The following SLIT3 variants were observed in gnomAD, a reference collection of about 807,000 sequenced individuals.
SLIT3 encodes slit guidance ligand 3.
SLIT3 carries 68 observed loss-of-function variants against 184.0 expected under a neutral mutation model. That is an observed-to-expected ratio of 0.37 (90% confidence interval 0.30 to 0.45). SLIT3 has a LOEUF of 0.45. Among genes scored for constraint, SLIT3 ranks in the 20% least tolerant of loss-of-function variants. SLIT3 has a pLI of 1.00. For missense variants in SLIT3, 1,707 were observed against 2,026.0 expected (o/e 0.84, Z 3.02); for synonymous variants, 831 against 828.6 (o/e 1.00, Z -0.05).
intron 4 of SLIT3, among the ~76,000 whole-genome samples, chr5:168,957,229 CAAA>C (rs369179350): frequency 8.2e-6 from 1 of 121,452 alleles, no homozygotes; most frequent in Non-Finnish European, 1.7e-5. Flanking sequence ...AAGTCTGTCT[CAAA>C]AAAAAAAAAA....
chr5:168,931,539 CAA>C (rs1761986817), intron 4 of SLIT3, among the ~76,000 whole-genome samples: 1 of 152,094 alleles, frequency 6.6e-6, no homozygotes, highest in African/African-American at 2.4e-5. Flanking sequence ...GCAAAAATCT[CAA>C]GTCACAATTT....
rs548753460 is a variant in SLIT3, at chr5:168,788,656, G to A, written c.1079+904C>T. On this transcript the variant is annotated intron_variant, in intron 11 of 35. Transcript: ENST00000519560. ...AGTTTGTGGTACTAGGGATACATCC[G>A]TGAACAAAACAGATAATAATCCCTG... is the stretch of plus-strand genomic sequence containing the variant. Among the ~76,000 whole-genome samples the A allele has an allele frequency of 4.0e-4, 60 of 151,328 alleles. 1 individual carries two copies. The highest frequency in any genetic ancestry group is 1.3e-3 in the African/African-American group (52 of 41,200).
intron 4 of SLIT3, among the ~76,000 whole-genome samples, chr5:169,166,544 G>T (rs1471296733): frequency 6.7e-6 from 1 of 149,376 alleles, no homozygotes; most frequent in African/African-American, 2.6e-5. Context: ...ACCTCTCCTG[G>T]CATCTGTTTG....
chr5:169,007,237 CAAAT>C (rs1297660591), intron 4 of SLIT3, among the ~76,000 whole-genome samples: 1 of 151,878 alleles, frequency 6.6e-6, no homozygotes, highest in East Asian at 1.9e-4. Context: ...AACTGTGACT[CAAAT>C]AAATTTTTTT....
At chr5:168,986,645 G>T (rs114914672) in intron 4 of SLIT3, among the ~76,000 whole-genome samples, 6,139 of 152,216 alleles carry the variant, frequency 0.04, 158 homozygotes, top group Non-Finnish European at 0.057. Flanking sequence ...GCTAGTGGGA[G>T]TTTTCTCCAC....
At chr5:168,812,844 T>A (rs1303764038) in intron 8 of SLIT3, among the ~76,000 whole-genome samples, 1 of 151,998 alleles carries the variant, frequency 6.6e-6, no homozygotes, top group East Asian at 1.9e-4. Context: ...TGGCTGGTCA[T>A]GGCTTACCTT....
At chr5:168,961,111 T>G (rs1762991229) in intron 4 of SLIT3, among the ~76,000 whole-genome samples, 2 of 152,200 alleles carry the variant, frequency 1.3e-5, no homozygotes. Context: ...GGCATGGCCA[T>G]TCCTTACCTC....
intron 4 of SLIT3, among the ~76,000 whole-genome samples, chr5:168,930,549 T>G (rs1207038861): frequency 5.3e-5 from 8 of 152,062 alleles, no homozygotes; most frequent in Non-Finnish European, 1.2e-4. Context: ...TTGCTCCTAC[T>G]GTAGGTGGGG....
chr5:168,912,236 A>G (rs536448062), intron 4 of SLIT3, among the ~76,000 whole-genome samples: 2 of 151,482 alleles, frequency 1.3e-5, no homozygotes, highest in African/African-American at 2.4e-5. Flanking sequence ...TATTTTATAC[A>G]GTGTATTATA....
At position 168,722,924 on chromosome 5, in the gene SLIT3, T is replaced by G. The variant is rs1472497162; in HGVS notation, c.2411+9A>C. ...GGGCATGGTAAACACAGCATCTCAG[T>G]GTACTCACAGAGTGGAGAGGTGAGA... On this transcript the variant is annotated intron_variant, in intron 22 of 35. Transcript: ENST00000519560. The G allele has an allele frequency of 6.2e-7, 1 of 1,602,912 alleles. No homozygotes were observed. Among genetic ancestry groups the G allele is most frequent in the Non-Finnish European group, 8.5e-7 (1 of 1,169,844 alleles).
chr5:169,005,767 CT>C (rs1392545043), intron 4 of SLIT3, among the ~76,000 whole-genome samples: 1 of 152,222 alleles, frequency 6.6e-6, no homozygotes, highest in Non-Finnish European at 1.5e-5. Flanking sequence ...AGACATCATA[CT>C]TGCCTTGCTG....
intron 4 of SLIT3, among the ~76,000 whole-genome samples, chr5:168,955,507 T>C (rs1378412886): frequency 2.0e-5 from 3 of 152,188 alleles, no homozygotes; most frequent in African/African-American, 4.8e-5. Context: ...GAGTCTCTTC[T>C]ATGGGTTAGG....
chr5:168,883,501 G>C (rs1171771302), intron 4 of SLIT3, among the ~76,000 whole-genome samples, 165 bp from the exon 5 acceptor site: 2 of 152,206 alleles, frequency 1.3e-5, no homozygotes, highest in African/African-American at 4.8e-5. Flanking sequence ...CATTCACATT[G>C]TTCTTCAAGT....
At chr5:168,931,908 G>A (rs1017670313) in intron 4 of SLIT3, among the ~76,000 whole-genome samples, 2 of 152,078 alleles carry the variant, frequency 1.3e-5, no homozygotes, top group African/African-American at 4.8e-5. Flanking sequence ...AAGAGCTGAA[G>A]TCAGACTTCA....
chr5:168,671,071 C>A lies in SLIT3; in HGVS notation c.4127+127G>T, dbSNP rs1473720012. On this transcript the variant is annotated intron_variant, in intron 34 of 35. Coordinates refer to ENST00000519560, the MANE Select transcript of SLIT3 (RefSeq NM_003062.4). ...TTGACCTCTTAAGCAGTTACACTTA[C>A]ACAGATCCTATCTGCGGTCTGACTG... 12 of 1,073,994 alleles carry A rather than the reference C, an allele frequency of 1.1e-5. No homozygotes were observed. In the South Asian group the frequency reaches 1.8e-4, roughly 16 times the overall value. 66.5% of individuals were successfully genotyped at this position (1,073,994 alleles called of 1,614,324 possible). A position where few individuals can be genotyped will look rare whatever the true frequency, so the allele number is the denominator to read the frequency against.
At chr5:169,226,882 T>C (rs1305983666) in intron 3 of SLIT3, among the ~76,000 whole-genome samples, 1 of 151,988 alleles carries the variant, frequency 6.6e-6, no homozygotes, top group Non-Finnish European at 1.5e-5. Flanking sequence ...TGGAGGCGGG[T>C]ATTTTAACAT....
intron 11 of SLIT3, among the ~76,000 whole-genome samples, chr5:168,787,650 C>T (rs1389284598): frequency 1.3e-5 from 2 of 152,086 alleles, no homozygotes; most frequent in African/African-American, 4.8e-5. Flanking sequence ...TTCTGCCTCC[C>T]TCCCCCGCAC....
intron 26 of SLIT3, among the ~76,000 whole-genome samples, chr5:168,705,181 C>T (rs1027141491): frequency 4.6e-5 from 7 of 152,300 alleles, no homozygotes; most frequent in African/African-American, 1.7e-4. Flanking sequence ...GCAATCACTG[C>T]ACTTGCCAAC....
intron 5 of SLIT3, among the ~76,000 whole-genome samples, chr5:168,857,582 G>A (rs958678245): frequency 6.6e-6 from 1 of 152,124 alleles, no homozygotes; most frequent in Non-Finnish European, 1.5e-5. Context: ...GGCACTCAGG[G>A]CTGCTGAGTT....
Sources: allele counts gnomAD v4.1 joint callset (sites outside exome capture counted in the v4.1 genomes callset), GRCh38; gene constraint gnomAD v4.1.1; transcripts MANE v1.5; gene names NCBI Gene and HGNC (gene_info 2026-07-23, HGNC 2026-07-21).